Variants in CLEC16A observed in about 807,000 individuals in gnomAD.
CLEC16A encodes the protein protein CLEC16A.
A neutral mutation model predicts 109.5 loss-of-function variants in CLEC16A; 51 were observed. The observed-to-expected ratio is 0.47, with a 90% CI of 0.37 to 0.59. The LOEUF is 0.59. Ranked by LOEUF, CLEC16A falls within the 20% of genes least tolerant of loss-of-function variation. The pLI is 0.00. For synonymous variants in CLEC16A, 673 were observed against 564.2 expected (o/e 1.19, Z -2.73); for missense variants, 1,339 against 1,394.0 (o/e 0.96, Z 0.63).
intron 1 of CLEC16A, among the ~76,000 whole-genome samples, chr16:10,950,013 G>A (rs867532576): frequency 1.3e-5 from 2 of 152,200 alleles, no homozygotes; most frequent in African/African-American, 4.8e-5. Flanking sequence ...GAGTTTTGCT[G>A]TCTTCTCTAA....
chr16:11,025,002 A>G (rs1298449699), intron 13 of CLEC16A, 81 bp downstream of exon 13: 2 of 1,038,238 alleles, frequency 1.9e-6, no homozygotes, highest in Admixed American at 4.0e-5. Context: ...CATGGAGGAC[A>G]AAGAAAGGTG....
rs899353003 is a variant in CLEC16A, at chr16:11,089,803, C to T, written c.2116+28781C>T. On this transcript the variant is annotated intron_variant, in intron 19 of 23. Coordinates refer to ENST00000409790, the MANE Select transcript of CLEC16A (RefSeq NM_015226.3). ...CTACTGAGGGGTGCTGGGCATGACT[C>T]GCAGCATGGGCTGGCCCACCCAGCC... 3.3e-5 allele frequency among the ~76,000 whole-genome samples: 5 copies of T among 152,350 alleles called. No homozygotes were observed. The East Asian group carries it at 5.8e-4, about 18-fold the overall frequency.
At chr16:11,000,457 T>C (rs988519460) in intron 10 of CLEC16A, among the ~76,000 whole-genome samples, 1 of 152,188 alleles carries the variant, frequency 6.6e-6, no homozygotes, top group African/African-American at 2.4e-5. Flanking sequence ...GATTGCTGTG[T>C]GGCCGGCTCT....
At chr16:11,092,281 C>G (rs563050381) in intron 19 of CLEC16A, among the ~76,000 whole-genome samples, 1 of 151,970 alleles carries the variant, frequency 6.6e-6, no homozygotes, top group South Asian at 2.1e-4. Context: ...CAGGTCAAGA[C>G]TGAAGTGAGC....
chr16:10,991,679 G>A (rs2044023070), intron 10 of CLEC16A, among the ~76,000 whole-genome samples: 1 of 152,184 alleles, frequency 6.6e-6, no homozygotes, highest in Non-Finnish European at 1.5e-5. Context: ...AGTCAACGTT[G>A]ATTGTCTTGA....
At chr16:11,094,940 C>G (rs1338445907) in intron 19 of CLEC16A, among the ~76,000 whole-genome samples, 1 of 152,212 alleles carries the variant, frequency 6.6e-6, no homozygotes, top group African/African-American at 2.4e-5. Flanking sequence ...CGATAAAGCA[C>G]TTAACCTTTT....
Position 11,137,866 on chromosome 16 carries a change from GAGTT to G in CLEC16A, c.2641+11725_2641+11728del, listed in dbSNP as rs3064140. Among the ~76,000 whole-genome samples the G allele has an allele frequency of 6.8e-3, 1,031 of 152,264 alleles. 3 individuals carry two copies. Among genetic ancestry groups the G allele is most frequent in the Non-Finnish European group, 0.011 (759 of 68,020 alleles). ...CCGAGTGCACAGTTGGTGGGAAGGAGAGTTAGTTCGTGAGGACCCACTAAGAATG... is the reference window on the plus strand; with the variant it reads ...CCGAGTGCACAGTTGGTGGGAAGGAGAGTTCGTGAGGACCCACTAAGAATG... On this transcript the variant is annotated intron_variant, in intron 22 of 23. Coordinates refer to ENST00000409790, the MANE Select transcript of CLEC16A (RefSeq NM_015226.3).
intron 18 of CLEC16A, among the ~76,000 whole-genome samples, chr16:11,060,656 A>G (rs111636086): frequency 6.4e-4 from 98 of 152,196 alleles, no homozygotes; most frequent in African/African-American, 2.2e-3. Context: ...ACGGGTGCTC[A>G]GTTCAGGTAA....
chr16:11,002,955 G>A (rs1567180884), intron 10 of CLEC16A, 119 bp from the exon 11 acceptor site: 1 of 734,364 alleles, frequency 1.4e-6, no homozygotes, highest in Non-Finnish European at 2.2e-6. Context: ...GCTATCTTAT[G>A]ATATAATGGT....
intron 1 of CLEC16A, among the ~76,000 whole-genome samples, chr16:10,953,297 T>C (rs963086400): frequency 6.6e-6 from 1 of 152,208 alleles, no homozygotes; most frequent in African/African-American, 2.4e-5. Flanking sequence ...TTTCTGTAAA[T>C]GGTGCTGGGT....
rs117822020 is a variant in CLEC16A at position 10,999,589 on chromosome 16, A to G, written c.1072-3485A>G. Reference sequence around the variant, plus strand: ...TAATTACCTAACAACTCCCCTATCAATGGACATTTAGGTTATTTCCAGTTG... The same window carrying G: ...TAATTACCTAACAACTCCCCTATCAGTGGACATTTAGGTTATTTCCAGTTG... On this transcript the variant is annotated intron_variant, in intron 10 of 23. Transcript: ENST00000409790. Among the ~76,000 whole-genome samples, 381 of 152,288 alleles carry G rather than the reference A, an allele frequency of 2.5e-3. 3 individuals carry two copies. Among genetic ancestry groups the G allele is most frequent in the Non-Finnish European group, 4.6e-3 (314 of 68,012 alleles).
chr16:11,015,088 A>G (rs143446347), intron 11 of CLEC16A, among the ~76,000 whole-genome samples: 62 of 152,276 alleles, frequency 4.1e-4, no homozygotes, highest in African/African-American at 1.5e-3. Flanking sequence ...TTCAGTACCT[A>G]TAAGGGTTGT....
At chr16:11,023,007 G>A (rs985554949) in intron 12 of CLEC16A, among the ~76,000 whole-genome samples, 1 of 148,864 alleles carries the variant, frequency 6.7e-6, no homozygotes, top group African/African-American at 2.5e-5. Flanking sequence ...ATGAAAGTAT[G>A]CAAAATCTTA....
At chr16:11,047,407 C>T in intron 17 of CLEC16A, 65 bp downstream of exon 17, 19 of 1,311,058 alleles carry the variant, frequency 1.4e-5, no homozygotes, top group Non-Finnish European at 1.8e-5. Flanking sequence ...GCTCCCCCTG[C>T]CCATCCCAGA....
chr16:11,083,171 G>T (rs1398504865), intron 19 of CLEC16A, among the ~76,000 whole-genome samples: 1 of 151,330 alleles, frequency 6.6e-6, no homozygotes, highest in Non-Finnish European at 1.5e-5. Context: ...TTGTTTGTTT[G>T]TTGTTGTTTG....
rs552499285 is a variant in CLEC16A at position 10,944,703 on chromosome 16, G to A, written c.-15G>A. ...CATGAGACCGTGAGACGAGAGACGGGTCGGGGCCGCCGACATGTTTGGCCG... is the reference window on the plus strand; with the variant it reads ...CATGAGACCGTGAGACGAGAGACGGATCGGGGCCGCCGACATGTTTGGCCG... On this transcript the variant is annotated 5_prime_UTR_variant, in exon 1 of 24. Coordinates refer to ENST00000409790, the MANE Select transcript of CLEC16A (RefSeq NM_015226.3). 11 of 1,599,358 alleles carry A rather than the reference G, an allele frequency of 6.9e-6. No homozygotes were observed. The South Asian group carries it at 1.2e-4, about 18-fold the overall frequency.
intron 19 of CLEC16A, among the ~76,000 whole-genome samples, chr16:11,117,153 G>A (rs2052053971): frequency 6.6e-6 from 1 of 152,220 alleles, no homozygotes; most frequent in Admixed American, 6.5e-5. Context: ...AAAGATGGCA[G>A]CGATAGACAC....
intron 19 of CLEC16A, among the ~76,000 whole-genome samples, chr16:11,080,124 A>T (rs2049616918): frequency 6.6e-6 from 1 of 152,168 alleles, no homozygotes; most frequent in South Asian, 2.1e-4. Flanking sequence ...GTAGACAGGG[A>T]CTCTGAGTGT....
intron 22 of CLEC16A, among the ~76,000 whole-genome samples, chr16:11,133,637 T>TTC (rs1297666042): frequency 6.6e-6 from 1 of 152,214 alleles, no homozygotes; most frequent in African/African-American, 2.4e-5. Flanking sequence ...TAGACATCAG[T>TTC]TCAGACCTCC....
Sources: allele counts gnomAD v4.1 joint callset (sites outside exome capture counted in the v4.1 genomes callset), GRCh38; gene constraint gnomAD v4.1.1; transcripts MANE v1.5; gene names NCBI Gene and HGNC (gene_info 2026-07-23, HGNC 2026-07-21).